POLR3E: variants seen among roughly 807,000 people sequenced by gnomAD.
POLR3E encodes the protein DNA-directed RNA polymerase III subunit RPC5.
In POLR3E, 41 loss-of-function variants were observed where a neutral mutation model predicts 96.6. The ratio of observed to expected loss-of-function variants is 0.42; its 90% CI spans 0.33 to 0.55. The LOEUF is 0.55. Among genes scored for constraint, POLR3E ranks in the 20% least tolerant of loss-of-function variants. POLR3E has a pLI of 0.06. For synonymous variants in POLR3E, 396 were observed against 383.6 expected (o/e 1.03, Z -0.38); for missense variants, 849 against 952.1 (o/e 0.89, Z 1.43).
At chr16:22,306,081 C>T (rs1478086768) in intron 3 of POLR3E, among the ~76,000 whole-genome samples, 1 of 152,090 alleles carries the variant, frequency 6.6e-6, no homozygotes, top group Admixed American at 6.6e-5. Flanking sequence ...CCACCTCCAA[C>T]CCCAGGCAAC....
At chr16:22,326,555 C>T in intron 18 of POLR3E, 1 of 534,128 alleles carries the variant, frequency 1.9e-6, no homozygotes, top group Non-Finnish European at 3.4e-6. Context: ...TGAAACAGGG[C>T]CCCTGCCTGG....
intron 1 of POLR3E, among the ~76,000 whole-genome samples, chr16:22,298,095 G>A (rs1598224559): frequency 6.6e-6 from 1 of 152,252 alleles, no homozygotes; most frequent in East Asian, 1.9e-4. Flanking sequence ...AGTGTTTACC[G>A]AGCCAACTCT....
intron 19 of POLR3E, 178 bp downstream of exon 19, chr16:22,328,765 A>ATAGTT (rs1251125378): frequency 5.0e-5 from 30 of 602,052 alleles, no homozygotes; most frequent in Non-Finnish European, 4.9e-5. Context: ...GTATGTGCCA[A>ATAGTT]TAGTTTGAAC....
At chr16:22,328,301 C>T in intron 18 of POLR3E, 2 of 580,892 alleles carry the variant, frequency 3.4e-6, no homozygotes, top group Non-Finnish European at 6.2e-6. Context: ...CCTGTCAGGC[C>T]CTGGGGGGTG....
rs745812481 is a variant in POLR3E, at chr16:22,315,222, C to A, written c.642+14C>A. On this transcript the variant is annotated intron_variant, in intron 9 of 20. Coordinates refer to ENST00000299853, the MANE Select transcript of POLR3E (RefSeq NM_018119.4). ...TATGGCCTGAGGGTGAGCGGGGCTT[C>A]GTGGGGTCCTGGGGGAAACACCTCG... 1.3e-6 allele frequency: 2 copies of A among 1,573,406 alleles called. No homozygotes were observed. The highest frequency in any genetic ancestry group is 2.3e-5 in the South Asian group (2 of 86,368).
At chr16:22,317,749 C>T (rs1370680337) in intron 12 of POLR3E, among the ~76,000 whole-genome samples, 3 of 151,660 alleles carry the variant, frequency 2.0e-5, no homozygotes, top group Non-Finnish European at 4.4e-5. Context: ...AAGTGATCCT[C>T]CTGCCTCAGC....
intron 6 of POLR3E, among the ~76,000 whole-genome samples, chr16:22,310,531 C>T (rs2048224095): frequency 1.3e-5 from 2 of 151,886 alleles, no homozygotes; most frequent in African/African-American, 4.8e-5. Context: ...AGGTGACCTG[C>T]CCACCTCGGC....
At chr16:22,299,704 G>A (rs907342680) in intron 1 of POLR3E, among the ~76,000 whole-genome samples, 4 of 151,824 alleles carry the variant, frequency 2.6e-5, no homozygotes, top group African/African-American at 7.3e-5. Context: ...GTGAGCCACC[G>A]TGCCTGGCTT....
Position 22,317,102 on chromosome 16 carries a change from C to T in POLR3E, c.774-13C>T, listed in dbSNP as rs2048372276. On this transcript the variant is annotated splice_polypyrimidine_tract_variant and intron_variant, in intron 11 of 20. Transcript: ENST00000299853. The stretch of plus-strand genomic sequence containing the variant: ...GCTGGCTGCCTCTAACCCGTCCCCT[C>T]TGCTTTTCCCAGAGACAAGCCTGTG... 2 of 1,614,078 alleles carry T rather than the reference C, an allele frequency of 1.2e-6. No homozygotes were observed. The highest frequency in any genetic ancestry group is 1.3e-5 in the African/African-American group (1 of 75,068).
At chr16:22,309,539 G>A in intron 6 of POLR3E, 29 bp downstream of exon 6, 1 of 1,527,704 alleles carries the variant, frequency 6.5e-7, no homozygotes, top group Non-Finnish European at 9.1e-7. Flanking sequence ...CCCGCGGTGG[G>A]GACATGGCAT....
At chr16:22,306,352 A>T (rs1019420716) in intron 3 of POLR3E, among the ~76,000 whole-genome samples, 1 of 152,112 alleles carries the variant, frequency 6.6e-6, no homozygotes, top group African/African-American at 2.4e-5. Context: ...TCTGCCTCCC[A>T]GGCTCAAGTG....
rs147107880 is a variant in POLR3E, at chr16:22,324,545, G to A, written c.1171G>A (p.Val391Met). ...DVKDFLEHMA[V>M]VRINKGWEFI... Reference sequence around the variant, plus strand: ...GAAGGACTTCCTGGAGCACATGGCCGTGGTGAGGATCAACAAAGGCTGGGA... The same window carrying A: ...GAAGGACTTCCTGGAGCACATGGCCATGGTGAGGATCAACAAAGGCTGGGA... The change falls in exon 16 of 21, where the codon GTG (valine) becomes ATG (methionine). Residue 391 changes from valine to methionine, a missense_variant. Physicochemically the swap from Val to Met is conservative, Grantham distance 21. Coordinates refer to ENST00000299853, the MANE Select transcript of POLR3E (RefSeq NM_018119.4). The A allele has an allele frequency of 1.2e-4, 192 of 1,612,874 alleles. No homozygotes were observed. Among genetic ancestry groups the A allele is most frequent in the Middle Eastern group, 1.6e-4 (1 of 6,084 alleles).
intron 1 of POLR3E, among the ~76,000 whole-genome samples, chr16:22,300,443 CT>C (rs145026901): frequency 0.016 from 2,456 of 152,298 alleles, 91 homozygotes; most frequent in East Asian, 0.1. Flanking sequence ...GACAGGGCAC[CT>C]CAGCCTCCCT....
Position 22,324,634 on chromosome 16 carries a change from C to T in POLR3E, c.1260C>T (p.His420=). ...ACCCGGATGTGGTCCAGCGGCAGCA[C>T]ATGCTGTGGACGGGTATCCAGGCCA... ...KKHPDVVQRQ[H]MLWTGIQAKL... Residue 420 remains histidine (H), a synonymous_variant, in exon 16 of 21, where the codon CAC becomes CAT. Transcript: ENST00000299853. 4 of 1,613,874 alleles carry T rather than the reference C, an allele frequency of 2.5e-6. No individual in the cohort carries two copies. The highest frequency in any genetic ancestry group is 3.4e-6 in the Non-Finnish European group (4 of 1,179,972).
intron 13 of POLR3E, among the ~76,000 whole-genome samples, chr16:22,320,955 T>G (rs2048461085): frequency 6.6e-6 from 1 of 152,202 alleles, no homozygotes; most frequent in South Asian, 2.1e-4. Flanking sequence ...AGTTTCTCTG[T>G]TTTTGGTTTT....
chr16:22,310,710 C>T (rs1373063739), intron 6 of POLR3E, among the ~76,000 whole-genome samples: 4 of 151,440 alleles, frequency 2.6e-5, no homozygotes, highest in Non-Finnish European at 5.9e-5. Flanking sequence ...CCGAGGCAGG[C>T]CCAGGAGTTC....
At chr16:22,326,470 G>A in intron 18 of POLR3E, 192 bp downstream of exon 18, 1 of 633,586 alleles carries the variant, frequency 1.6e-6, no homozygotes, top group Non-Finnish European at 2.9e-6. Flanking sequence ...TGGGTTTTAT[G>A]TCACAGGACT....
chr16:22,303,001 G>C lies in POLR3E; in HGVS notation c.33G>C (p.Gln11His). 1.2e-6 allele frequency: 2 copies of C among 1,613,934 alleles called. No individual in the cohort carries two copies. The highest frequency in any genetic ancestry group is 1.7e-6 in the Non-Finnish European group (2 of 1,179,844). Residue 11 changes from glutamine (Q) to histidine (H), a missense_variant, in exon 2 of 21, where the codon CAG becomes CAC. Transcript: ENST00000299853. Reference sequence around the variant, plus strand: ...ATGAAGAGGATGACCCAGTTGTACAGGAGGTAACTGCTGCTCTCTGTCCCC... The same window carrying C: ...ATGAAGAGGATGACCCAGTTGTACACGAGGTAACTGCTGCTCTCTGTCCCC... MANEEDDPVV[Q>H]EIDVYLAKSL...
chr16:22,300,118 A>G (rs913819562), intron 1 of POLR3E, among the ~76,000 whole-genome samples: 1 of 152,204 alleles, frequency 6.6e-6, no homozygotes, highest in African/African-American at 2.4e-5. Context: ...GCAGGTTAAA[A>G]TTTATTAGTG....
Sources: allele counts gnomAD v4.1 joint callset (sites outside exome capture counted in the v4.1 genomes callset), GRCh38; gene constraint gnomAD v4.1.1; transcripts MANE v1.5; gene names NCBI Gene and HGNC (gene_info 2026-07-23, HGNC 2026-07-21).